SLC41A2: variants seen among roughly 807,000 people sequenced by gnomAD.
SLC41A2 encodes SLC41A1-like 1.
Under a neutral mutation model 58.3 loss-of-function variants are expected in SLC41A2, and 32 were observed. The ratio of observed to expected loss-of-function variants is 0.55; its 90% CI spans 0.41 to 0.74. The LOEUF is 0.74. Among genes scored for constraint, SLC41A2 ranks in the 30% least tolerant of loss-of-function variants. SLC41A2 has a pLI of 0.00. For missense variants in SLC41A2, 514 were observed against 680.6 expected, an observed-to-expected ratio of 0.76 and a Z score of 2.72; for synonymous variants, 190 against 235.0, an observed-to-expected ratio of 0.81 and a Z score of 1.75.
intron 3 of SLC41A2, among the ~76,000 whole-genome samples, 181 bp from the exon 4 acceptor site, chr12:104,895,526 C>A (rs2045235557): frequency 6.6e-6 from 1 of 152,176 alleles, no homozygotes; most frequent in Non-Finnish European, 1.5e-5. Context: ...CTAGGCTTGA[C>A]TAACATGTTT....
intron 3 of SLC41A2, among the ~76,000 whole-genome samples, 155 bp downstream of exon 3, chr12:104,909,500 A>G (rs543869597): frequency 6.6e-6 from 1 of 152,200 alleles, no homozygotes; most frequent in Non-Finnish European, 1.5e-5. Context: ...CAGATGAGAC[A>G]ATATTTCAGA....
intron 6 of SLC41A2, among the ~76,000 whole-genome samples, chr12:104,870,776 A>G (rs147050115): frequency 6.6e-6 from 1 of 152,332 alleles, no homozygotes; most frequent in African/African-American, 2.4e-5. Flanking sequence ...AATTCTTCTG[A>G]AACATGTAGC....
chr12:104,865,569 A>G (rs1418824030), intron 7 of SLC41A2, among the ~76,000 whole-genome samples: 2 of 152,164 alleles, frequency 1.3e-5, no homozygotes, highest in East Asian at 3.9e-4. Context: ...CATTCTGCTC[A>G]TTCAGTTAAC....
intron 1 of SLC41A2, among the ~76,000 whole-genome samples, chr12:104,957,514 T>A (rs2048212462): frequency 6.6e-6 from 1 of 152,226 alleles, no homozygotes; most frequent in African/African-American, 2.4e-5. Context: ...GCATGTGATG[T>A]ATATCTCAAT....
chr12:104,890,307 G>A (rs2044889083), intron 4 of SLC41A2, among the ~76,000 whole-genome samples: 2 of 152,196 alleles, frequency 1.3e-5, no homozygotes, highest in Admixed American at 6.6e-5. Context: ...GTCATCCACA[G>A]ATACAGAGCT....
rs113810803 is a variant in SLC41A2 at position 104,922,289 on chromosome 12, A to G, written c.555+5684T>C. 3.4e-3 allele frequency among the ~76,000 whole-genome samples: 520 copies of G among 152,320 alleles called. 2 individuals are homozygous for G. The highest frequency in any genetic ancestry group is 0.012 in the African/African-American group (483 of 41,576). ...TACAAGAAACCCACTTCATCTATAA[A>G]GACACACCTAGACTGGAGGTGAAGC... On this transcript the variant is annotated intron_variant, in intron 2 of 10. Coordinates refer to ENST00000258538, the MANE Select transcript of SLC41A2 (RefSeq NM_001352171.3).
intron 2 of SLC41A2, among the ~76,000 whole-genome samples, chr12:104,917,196 T>G (rs907305592): frequency 6.6e-6 from 1 of 152,076 alleles, no homozygotes; most frequent in African/African-American, 2.4e-5. Flanking sequence ...AAAGAAGACA[T>G]TTATGCAGCC....
chr12:104,954,170 A>G (rs1404926727), intron 1 of SLC41A2, among the ~76,000 whole-genome samples: 2 of 152,154 alleles, frequency 1.3e-5, no homozygotes, highest in African/African-American at 4.8e-5. Context: ...CGATCTCATA[A>G]TACTTACATC....
intron 6 of SLC41A2, among the ~76,000 whole-genome samples, chr12:104,882,462 T>G (rs1298150772): frequency 6.6e-6 from 1 of 152,126 alleles, no homozygotes; most frequent in East Asian, 1.9e-4. Context: ...GGTACTGGTT[T>G]TTCCTTTCCA....
chr12:104,838,374 GA>G (rs1334539045), intron 10 of SLC41A2, among the ~76,000 whole-genome samples: 3 of 152,156 alleles, frequency 2.0e-5, no homozygotes, highest in Non-Finnish European at 2.9e-5. Context: ...GTTTTGTCAT[GA>G]GGGGCATTTA....
At position 104,928,146 on chromosome 12, in the gene SLC41A2, C is replaced by T. The variant is rs150096680; in HGVS notation, c.382G>A (p.Ala128Thr). The change falls in exon 2 of 11, where the codon GCC becomes ACC. Residue 128 changes from alanine to threonine, a missense_variant. This residue lies in a region of SLC41A2 where 336 missense variants were observed against 430.0 expected (regional missense o/e 0.78). Coordinates refer to ENST00000258538, the MANE Select transcript of SLC41A2 (RefSeq NM_001352171.3). ...GATATATCTTCATCTTGTAACATGG[C>T]AGTGGTTTCTGAAGTCTCCCTTCCA... ...CDGRETSETT[A>T]MLQDEDISSD... 134 of 1,614,142 alleles carry T rather than the reference C, an allele frequency of 8.3e-5. No individual in the cohort carries two copies. In the African/African-American group the frequency reaches 1.5e-3, roughly 18 times the overall value.
At chr12:104,825,334 C>T (rs184879562) in intron 10 of SLC41A2, among the ~76,000 whole-genome samples, 41 of 152,324 alleles carry the variant, frequency 2.7e-4, no homozygotes, top group African/African-American at 9.6e-4. Context: ...AGGAGAAAAC[C>T]AGTGGTAGCC....
intron 10 of SLC41A2, among the ~76,000 whole-genome samples, chr12:104,813,434 C>T (rs894890682): frequency 1.3e-5 from 2 of 151,966 alleles, no homozygotes; most frequent in African/African-American, 2.4e-5. Flanking sequence ...GCAAAATCCT[C>T]GTCTATGACA....
chr12:104,855,661 G>A (rs964337824), intron 8 of SLC41A2, among the ~76,000 whole-genome samples: 3 of 152,104 alleles, frequency 2.0e-5, no homozygotes, highest in Admixed American at 2.0e-4. Flanking sequence ...CCTGATCACT[G>A]AATAAACAGT....
chr12:104,807,838 G>A (rs1364588243), intron 10 of SLC41A2, among the ~76,000 whole-genome samples: 1 of 152,098 alleles, frequency 6.6e-6, no homozygotes, highest in Non-Finnish European at 1.5e-5. Flanking sequence ...TTGTGAATGG[G>A]AGTTCACTCA....
chr12:104,823,565 C>T (rs2041724347), intron 10 of SLC41A2, among the ~76,000 whole-genome samples: 2 of 151,934 alleles, frequency 1.3e-5, no homozygotes, highest in African/African-American at 4.8e-5. Context: ...CTGTAACAAC[C>T]GGATGTTCAT....
intron 1 of SLC41A2, among the ~76,000 whole-genome samples, chr12:104,934,648 T>A (rs7976092): frequency 0.043 from 6,532 of 152,270 alleles, 289 homozygotes; most frequent in East Asian, 0.15. Context: ...CATCAACAGA[T>A]GAATCGATAA....
At chr12:104,816,164 G>A (rs575195040) in intron 10 of SLC41A2, among the ~76,000 whole-genome samples, 1 of 152,078 alleles carries the variant, frequency 6.6e-6, no homozygotes, top group East Asian at 1.9e-4. Context: ...ACTGACTGGG[G>A]GCAGCCAGAA....
intron 3 of SLC41A2, among the ~76,000 whole-genome samples, chr12:104,897,827 T>G (rs912891855): frequency 7.9e-5 from 12 of 152,138 alleles, no homozygotes; most frequent in South Asian, 2.1e-4. Flanking sequence ...GAAAATTGAT[T>G]TTGTTGCCTC....
Sources: gnomAD v4.1 joint callset for allele counts (sites outside exome capture counted in the v4.1 genomes callset) on GRCh38, gnomAD v4.1.1 for gene constraint, gnomAD v4.1.1 regional missense constraint, MANE v1.5 for transcripts, NCBI Gene and HGNC (gene_info 2026-07-23, HGNC 2026-07-21) for gene names.